Variants in CA1 observed in about 807,000 individuals in gnomAD.
CA1 encodes carbonic anhydrase 1.
A neutral mutation model predicts 28.8 loss-of-function variants in CA1; 27 were observed. The ratio of observed to expected loss-of-function variants is 0.94; its 90% CI spans 0.69 to 1.29. The LOEUF is 1.29. Ranked by LOEUF, CA1 falls within the 50% of genes most tolerant of loss-of-function variation. CA1 has a pLI of 0.00. For synonymous variants in CA1, 121 were observed against 108.8 expected, an observed-to-expected ratio of 1.11 and a Z score of -0.70; for missense variants, 335 against 310.5, an observed-to-expected ratio of 1.08 and a Z score of -0.59.
intron 1 of CA1, among the ~76,000 whole-genome samples, chr8:85,367,824 C>G (rs1264842534): frequency 6.6e-6 from 1 of 152,122 alleles, no homozygotes; most frequent in Non-Finnish European, 1.5e-5. Context: ...ATATCTGATA[C>G]TGGGGTTGAG....
Position 85,336,005 on chromosome 8 carries a change from T to C in CA1, c.354+940A>G, listed in dbSNP as rs375681592. Among the ~76,000 whole-genome samples, 150 of 152,318 alleles carry C rather than the reference T, an allele frequency of 9.8e-4. 5 individuals carry two copies. The South Asian group carries it at 0.03, about 31-fold the overall frequency. The stretch of plus-strand genomic sequence containing the variant: ...AGTGCACAAGATATATGTACAGATA[T>C]ATTCACTGAAGCATTTTTTAATAAA... On this transcript the variant is annotated intron_variant, in intron 4 of 7. Transcript: ENST00000523022.
chr8:85,366,299 T>A (rs1810005854), intron 1 of CA1, among the ~76,000 whole-genome samples: 1 of 151,834 alleles, frequency 6.6e-6, no homozygotes, highest in Non-Finnish European at 1.5e-5. Context: ...AGGTGTGAGT[T>A]ACTGTGTGCT....
At chr8:85,332,220 G>T (rs1178320052) in intron 6 of CA1, among the ~76,000 whole-genome samples, 1 of 152,058 alleles carries the variant, frequency 6.6e-6, no homozygotes, top group Non-Finnish European at 1.5e-5. Context: ...AGTTTTTCAA[G>T]CAAATTTAAA....
intron 1 of CA1, 131 bp from the exon 2 acceptor site, chr8:85,341,790 T>A: frequency 1.6e-6 from 1 of 625,886 alleles, no homozygotes; most frequent in Non-Finnish European, 2.9e-6. Flanking sequence ...CATCTCTGCT[T>A]ATCAGGAAGT....
chr8:85,358,555 A>G (rs1809684799), intron 1 of CA1, among the ~76,000 whole-genome samples: 1 of 152,142 alleles, frequency 6.6e-6, no homozygotes, highest in Non-Finnish European at 1.5e-5. Context: ...CTTAAAGCAA[A>G]AAAGAGCCCG....
At chr8:85,373,674 C>T (rs1355246676) in intron 1 of CA1, among the ~76,000 whole-genome samples, 1 of 152,060 alleles carries the variant, frequency 6.6e-6, no homozygotes, top group Admixed American at 6.6e-5. Flanking sequence ...TCGGTACTAG[C>T]CATGGTTTCA....
chr8:85,357,837 G>C (rs1809657334), intron 1 of CA1, among the ~76,000 whole-genome samples: 1 of 152,216 alleles, frequency 6.6e-6, no homozygotes, highest in South Asian at 2.1e-4. Context: ...GGTCCCAACT[G>C]AGAGACAGGC....
Position 85,328,348 on chromosome 8 carries a change from C to G in CA1, c.*212G>C, listed in dbSNP as rs1040425340. 22 of 395,816 alleles carry G rather than the reference C, an allele frequency of 5.6e-5. No homozygotes were observed. Among genetic ancestry groups the G allele is most frequent in the African/African-American group, 3.0e-4 (15 of 49,232 alleles). 24.5% of individuals were successfully genotyped at this position (395,816 alleles called of 1,614,324 possible). ...ACTTGAATTTAAGCATAAGCTTATG[C>G]TTACAGATTACTATTTGCTAGCTTA... On this transcript the variant is annotated 3_prime_UTR_variant, in exon 8 of 8. Transcript: ENST00000523022.
At chr8:85,336,627 A>T (rs1447282554) in intron 4 of CA1, among the ~76,000 whole-genome samples, 1 of 152,190 alleles carries the variant, frequency 6.6e-6, no homozygotes, top group South Asian at 2.1e-4. Context: ...GGTGTGTTCC[A>T]TTTGGGGTTA....
intron 1 of CA1, among the ~76,000 whole-genome samples, chr8:85,344,698 C>T (rs1352139174): frequency 6.6e-6 from 1 of 151,824 alleles, no homozygotes; most frequent in Non-Finnish European, 1.5e-5. Flanking sequence ...ATAAAAGGAA[C>T]AAAAAGTGAA....
intron 1 of CA1, among the ~76,000 whole-genome samples, chr8:85,355,549 CTTTTTTTTTTTTTTT>C (rs11353842): frequency 1.8e-5 from 2 of 108,700 alleles, no homozygotes; most frequent in Non-Finnish European, 3.7e-5. Context: ...TGTCTAGTTC[CTTTTTTTTTTTTTTT>C]TTTTTTTTTT....
At chr8:85,331,099 A>G (rs1455459093) in intron 6 of CA1, among the ~76,000 whole-genome samples, 2 of 152,280 alleles carry the variant, frequency 1.3e-5, no homozygotes, top group East Asian at 3.9e-4. Context: ...TTTGTTTAAT[A>G]GATACATTTT....
At chr8:85,375,250 C>G (rs912793566) in intron 1 of CA1, among the ~76,000 whole-genome samples, 1 of 152,012 alleles carries the variant, frequency 6.6e-6, no homozygotes, top group African/African-American at 2.4e-5. Context: ...AGGACAAGGG[C>G]AATGAGAGAA....
chr8:85,367,147 A>G (rs1810038568), intron 1 of CA1, among the ~76,000 whole-genome samples: 1 of 152,092 alleles, frequency 6.6e-6, no homozygotes, highest in South Asian at 2.1e-4. Context: ...TGCCTTAAGA[A>G]TAAGCCAATA....
At chr8:85,343,514 C>T (rs1273658050) in intron 1 of CA1, among the ~76,000 whole-genome samples, 2 of 152,194 alleles carry the variant, frequency 1.3e-5, no homozygotes, top group Non-Finnish European at 2.9e-5. Context: ...CTTGGGCTTA[C>T]TTCACTCCGG....
chr8:85,360,700 A>AT (rs1348038324), intron 1 of CA1, among the ~76,000 whole-genome samples: 2 of 152,212 alleles, frequency 1.3e-5, no homozygotes, highest in Non-Finnish European at 2.9e-5. Flanking sequence ...ATAAATAAAT[A>AT]TATAAATAAA....
At chr8:85,377,280 A>C (rs1810455334) in intron 1 of CA1, among the ~76,000 whole-genome samples, 1 of 152,170 alleles carries the variant, frequency 6.6e-6, no homozygotes, top group Non-Finnish European at 1.5e-5. Context: ...TTTTACTGGA[A>C]TTGCTTTAAT....
intron 1 of CA1, chr8:85,351,796 C>T (rs1809422364): frequency 1.3e-5 from 2 of 152,200 alleles, no homozygotes; most frequent in Non-Finnish European, 2.9e-5. Flanking sequence ...TAGAGGCAAG[C>T]ACAGGATTTA....
At chr8:85,332,354 A>C in intron 6 of CA1, 136 bp downstream of exon 6, 1 of 703,548 alleles carries the variant, frequency 1.4e-6, no homozygotes, top group Non-Finnish European at 2.6e-6. Context: ...GGCAGTATTG[A>C]AGTAGCACCT....
Sources: allele counts gnomAD v4.1 joint callset (sites outside exome capture counted in the v4.1 genomes callset), GRCh38; gene constraint gnomAD v4.1.1; transcripts MANE v1.5; gene names NCBI Gene and HGNC (gene_info 2026-07-23, HGNC 2026-07-21).